The following NET1 variants were observed in gnomAD, a reference collection of about 807,000 sequenced individuals.
NET1 encodes neuroepithelial cell transforming 1.
Under a neutral mutation model 61.1 loss-of-function variants are expected in NET1, and 42 were observed. The ratio of observed to expected loss-of-function variants is 0.69; its 90% CI spans 0.54 to 0.89. The LOEUF is 0.89. Ranked by LOEUF, NET1 falls within the 40% of genes least tolerant of loss-of-function variation. NET1 has a pLI of 0.00. For synonymous variants in NET1, 254 were observed against 281.8 expected, an observed-to-expected ratio of 0.90 and a Z score of 0.99; for missense variants, 654 against 747.3, an observed-to-expected ratio of 0.88 and a Z score of 1.46.
chr10:5,413,433 T>C (rs767626364), intron 1 of NET1, among the ~76,000 whole-genome samples: 1 of 152,200 alleles, frequency 6.6e-6, no homozygotes, highest in Non-Finnish European at 1.5e-5. Flanking sequence ...TTTTTACTTT[T>C]TGTGGAAGTA....
chr10:5,436,178 TGTGTGTGTTGTGTGTGTGTG>T (rs1242447569), intron 3 of NET1, among the ~76,000 whole-genome samples: 8 of 69,598 alleles, frequency 1.1e-4, no homozygotes, highest in South Asian at 6.2e-4. Flanking sequence ...TGTGTGTGTG[TGTGTGTGTTGTGTGTGTGTG>T]TGTGTGTGTG....
In NET1 at chr10:5,440,311, G is replaced by A. The variant is rs1053994457; in HGVS notation, c.255+11082G>A. ...ACTTTTGACCCTTCTTACTAATGAG[G>A]ATTGAAAAGAACACATAGGCCAGAT... On this transcript the variant is annotated intron_variant, in intron 3 of 11. Coordinates refer to ENST00000355029, the MANE Select transcript of NET1 (RefSeq NM_001047160.3). This position sits in a 1 kb window ranked among gnomAD's most constrained non-coding sequence, Gnocchi z 4.1. Among the ~76,000 whole-genome samples, 13 of 152,166 alleles carry A rather than the reference G, an allele frequency of 8.5e-5. No individual in the cohort carries two copies. The highest frequency in any genetic ancestry group is 1.5e-4 in the Non-Finnish European group (10 of 68,030).
intron 2 of NET1, among the ~76,000 whole-genome samples, chr10:5,428,529 T>C (rs1320587604): frequency 6.6e-6 from 1 of 151,904 alleles, no homozygotes; most frequent in African/African-American, 2.4e-5. Context: ...ATTTTATATT[T>C]AAAAAATTTT....
rs145236295 is a variant in NET1, at chr10:5,446,263, G to C, written c.256-5567G>C. On this transcript the variant is annotated intron_variant, in intron 3 of 11. Coordinates refer to ENST00000355029, the MANE Select transcript of NET1 (RefSeq NM_001047160.3). This position sits in a 1 kb window ranked among gnomAD's most constrained non-coding sequence, Gnocchi z 5.0. ...TTATATATGTTGATTCAGCCCTATC[G>C]AATAAGAATTTCTATTTCCTTATTT... Among the ~76,000 whole-genome samples the C allele has an allele frequency of 2.6e-5, 4 of 152,198 alleles. No homozygotes were observed. Among genetic ancestry groups the C allele is most frequent in the Admixed American group, 2.6e-4 (4 of 15,284 alleles).
rs778574425 is a variant in NET1, at chr10:5,421,032, TCTC to T, written c.129-5620_129-5618del. On this transcript the variant is annotated intron_variant, in intron 1 of 11. Coordinates refer to ENST00000355029, the MANE Select transcript of NET1 (RefSeq NM_001047160.3). This position sits in a 1 kb window ranked among gnomAD's most constrained non-coding sequence, Gnocchi z 4.2. Reference sequence around the variant, plus strand: ...TGATTTACCTAATTATTTTCTGTCTTCTCCTTTGAGAATGTATATTCTTTTAAC... The same window carrying T: ...TGATTTACCTAATTATTTTCTGTCTTCTTTGAGAATGTATATTCTTTTAAC... Among the ~76,000 whole-genome samples the T allele has an allele frequency of 5.3e-5, 8 of 151,752 alleles. No homozygotes were observed. The highest frequency in any genetic ancestry group is 1.2e-4 in the Non-Finnish European group (8 of 67,758).
In NET1 at chr10:5,452,646, A is replaced by G. The variant is rs185307294; in HGVS notation, c.531+121A>G. On this transcript the variant is annotated intron_variant, in intron 5 of 11. Transcript: ENST00000355029. The surrounding 1 kb of genome is among the most constrained non-coding windows in gnomAD (Gnocchi z 4.0). ...CCTAATACATGGTGAACAAAACCTA[A>G]TGATGGATGGTGGTCAAATTAAACA... is the stretch of plus-strand genomic sequence containing the variant. 4.6e-4 allele frequency: 500 copies of G among 1,092,250 alleles called. 2 individuals carry two copies. The African/African-American group carries it at 7.2e-3, about 16-fold the overall frequency. 67.7% of individuals were successfully genotyped at this position (1,092,250 alleles called of 1,614,324 possible).
In NET1 at chr10:5,422,661, C is replaced by G. The variant is rs1784347342; in HGVS notation, c.129-3994C>G. On this transcript the variant is annotated intron_variant, in intron 1 of 11. Transcript: ENST00000355029. This position sits in a 1 kb window ranked among gnomAD's most constrained non-coding sequence, Gnocchi z 4.1. ...TGGTTTCTAGATGCTCAACTGTGTT[C>G]TAGACAAGATATTCCAAGATGTATG... 6.6e-6 allele frequency among the ~76,000 whole-genome samples: 1 copy of G among 152,086 alleles called. No homozygotes were observed. The highest frequency in any genetic ancestry group is 2.4e-5 in the African/African-American group (1 of 41,398).
Position 5,422,071 on chromosome 10 carries a change from G to A in NET1, c.129-4584G>A, listed in dbSNP as rs573254229. Among the ~76,000 whole-genome samples the A allele has an allele frequency of 6.6e-5, 10 of 152,222 alleles. No individual in the cohort carries two copies. The highest frequency in any genetic ancestry group is 1.9e-4 in the African/African-American group (8 of 41,524). ...GTAAGTCTTAGTGTAGGCTGGGCGC[G>A]GTGGCTCACGCCTATAATCCCAGCA... On this transcript the variant is annotated intron_variant, in intron 1 of 11. Transcript: ENST00000355029. The surrounding 1 kb of genome is among the most constrained non-coding windows in gnomAD (Gnocchi z 4.1).
intron 1 of NET1, among the ~76,000 whole-genome samples, chr10:5,418,122 T>A (rs1832111411): frequency 6.6e-6 from 1 of 152,214 alleles, no homozygotes; most frequent in Admixed American, 6.5e-5. Flanking sequence ...TATTATCTTG[T>A]ACTATGCTTG....
At position 5,416,822 on chromosome 10, in the gene NET1, T is replaced by A. The variant is rs1430546318; in HGVS notation, c.128+4002T>A. On this transcript the variant is annotated intron_variant, in intron 1 of 11. Transcript: ENST00000355029. This position sits in a 1 kb window ranked among gnomAD's most constrained non-coding sequence, Gnocchi z 6.1. ...CCAACCCCATAGCCATGTCTATGGG[T>A]GAATGTTTACAGCTGAAGCCTCAGT... 6.6e-6 allele frequency among the ~76,000 whole-genome samples: 1 copy of A among 152,048 alleles called. No homozygotes were observed. The highest frequency in any genetic ancestry group is 1.5e-5 in the Non-Finnish European group (1 of 67,994).
At chr10:5,429,502 T>C (rs951447160) in intron 3 of NET1, among the ~76,000 whole-genome samples, 4 of 152,202 alleles carry the variant, frequency 2.6e-5, no homozygotes, top group African/African-American at 9.7e-5. Flanking sequence ...GGCTGTAATC[T>C]GTGCGAAGGA....
intron 1 of NET1, among the ~76,000 whole-genome samples, chr10:5,425,950 CAG>C (rs1439047972): frequency 1.3e-4 from 20 of 152,100 alleles, no homozygotes; most frequent in Admixed American, 8.5e-4. Flanking sequence ...TTTATAAACA[CAG>C]AGGTTTATAC....
At position 5,454,539 on chromosome 10, in the gene NET1, G is replaced by GTGAT; in HGVS notation, c.1026+20_1026+23dup. On this transcript the variant is annotated intron_variant, in intron 9 of 11. Transcript: ENST00000355029. The surrounding 1 kb of genome is among the most constrained non-coding windows in gnomAD (Gnocchi z 8.1). Reference sequence around the variant, plus strand: ...GAGGATGCTGTAAGTAGTCCCTTAAGTGATTGTTTTGTTTTTTAAGTTTAT... The same window carrying GTGAT: ...GAGGATGCTGTAAGTAGTCCCTTAAGTGATTGATTGTTTTGTTTTTTAAGTTTAT... The GTGAT allele has an allele frequency of 6.3e-7, 1 of 1,597,080 alleles. No homozygotes were observed. Among genetic ancestry groups the GTGAT allele is most frequent in the African/African-American group, 1.4e-5 (1 of 73,732 alleles).
chr10:5,436,211 T>TTC, intron 3 of NET1, among the ~76,000 whole-genome samples: 1 of 91,674 alleles, frequency 1.1e-5, no homozygotes, highest in Non-Finnish European at 2.1e-5. Flanking sequence ...TGTGTGTGTG[T>TTC]GTGTGTGTGT....
intron 3 of NET1, among the ~76,000 whole-genome samples, chr10:5,433,941 T>A (rs1832386600): frequency 6.6e-6 from 1 of 152,150 alleles, no homozygotes; most frequent in Non-Finnish European, 1.5e-5. Flanking sequence ...TTTTAATTCT[T>A]AGTTCTATCA....
chr10:5,416,813 G>A lies in NET1; in HGVS notation c.128+3993G>A, dbSNP rs910588557. Reference sequence around the variant, plus strand: ...TGTGGGGCTCCAACCCCATAGCCATGTCTATGGGTGAATGTTTACAGCTGA... The same window carrying A: ...TGTGGGGCTCCAACCCCATAGCCATATCTATGGGTGAATGTTTACAGCTGA... On this transcript the variant is annotated intron_variant, in intron 1 of 11. Transcript: ENST00000355029. This position sits in a 1 kb window ranked among gnomAD's most constrained non-coding sequence, Gnocchi z 6.1. Among the ~76,000 whole-genome samples, 1 of 152,182 alleles carries A rather than the reference G, an allele frequency of 6.6e-6. No individual in the cohort carries two copies. Among genetic ancestry groups the A allele is most frequent in the Non-Finnish European group, 1.5e-5 (1 of 68,040 alleles).
At chr10:5,450,831 A>T (rs1305004178) in intron 3 of NET1, among the ~76,000 whole-genome samples, 1 of 152,182 alleles carries the variant, frequency 6.6e-6, no homozygotes, top group Non-Finnish European at 1.5e-5. Context: ...AAATTAGAAT[A>T]ATGCAATTTT....
chr10:5,414,672 A>G (rs1438420340), intron 1 of NET1, among the ~76,000 whole-genome samples: 1 of 152,244 alleles, frequency 6.6e-6, no homozygotes, highest in Non-Finnish European at 1.5e-5. Context: ...ATAGACTCTT[A>G]AGAAAGAATA....
At chr10:5,432,542 C>A (rs1832364732) in intron 3 of NET1, among the ~76,000 whole-genome samples, 1 of 152,002 alleles carries the variant, frequency 6.6e-6, no homozygotes, top group African/African-American at 2.4e-5. Flanking sequence ...TGTGTAATTA[C>A]ACCAACAGCT....
Sources: gnomAD v4.1 joint callset for allele counts (sites outside exome capture counted in the v4.1 genomes callset) on GRCh38, gnomAD v4.1.1 for gene constraint, Gnocchi (gnomAD v3.1) non-coding constraint, MANE v1.5 for transcripts, NCBI Gene and HGNC (gene_info 2026-07-23, HGNC 2026-07-21) for gene names.